Variants in GALNT16 observed in about 807,000 individuals in gnomAD.
GALNT16 encodes polypeptide N-acetylgalactosaminyltransferase 16.
Under a neutral mutation model 76.1 loss-of-function variants are expected in GALNT16, and 40 were observed. The observed-to-expected ratio is 0.53, with a 90% CI of 0.41 to 0.68. The LOEUF is 0.68. Ranked by LOEUF, GALNT16 falls within the 30% of genes least tolerant of loss-of-function variation. The probability of loss-of-function intolerance (pLI) is 0.00; values close to 1 mark genes in which losing one functional copy is unlikely to be tolerated. For synonymous variants in GALNT16, 276 were observed against 285.2 expected (o/e 0.97, Z 0.32); for missense variants, 621 against 731.9 (o/e 0.85, Z 1.75).
chr14:69,375,391 A>T, the GALNT16 span, among the ~76,000 whole-genome samples: 5 of 152,216 alleles, frequency 3.3e-5, no homozygotes, highest in Non-Finnish European at 5.9e-5. Context: ...ATTTACATTT[A>T]ATGAAATTAT....
At chr14:69,310,838 C>T (rs1175280191) in intron 1 of GALNT16, among the ~76,000 whole-genome samples, 3 of 152,040 alleles carry the variant, frequency 2.0e-5, no homozygotes, top group Non-Finnish European at 4.4e-5. Flanking sequence ...TCACTTGAGC[C>T]CAGGAGGTTG....
At position 69,333,190 on chromosome 14, in the gene GALNT16, T is replaced by G. The variant is rs1486482904; in HGVS notation, c.863+21T>G. ...ATAAGGTCAGAGCTGCGGTGGGCTC[T>G]GGGGGACCCCTTCCTTCCCTGGGTC... is the stretch of plus-strand genomic sequence containing the variant. On this transcript the variant is annotated intron_variant, in intron 8 of 14. Coordinates refer to ENST00000448469, the MANE Select transcript of GALNT16 (RefSeq NM_001168368.2). The surrounding 1 kb of genome is among the most constrained non-coding windows in gnomAD (Gnocchi z 4.2). 1 of 1,526,800 alleles carries G rather than the reference T, an allele frequency of 6.5e-7. No individual in the cohort carries two copies. Among genetic ancestry groups the G allele is most frequent in the Non-Finnish European group, 9.0e-7 (1 of 1,113,414 alleles). The allele number at this position is 1,526,800 out of a possible 1,614,324, so 94.6% of individuals were successfully genotyped here.
At chr14:69,306,298 C>T (rs966442237) in intron 1 of GALNT16, among the ~76,000 whole-genome samples, 1 of 152,100 alleles carries the variant, frequency 6.6e-6, no homozygotes, top group African/African-American at 2.4e-5. Flanking sequence ...GGTTTTTTTC[C>T]CACAATCTTT....
intron 1 of GALNT16, among the ~76,000 whole-genome samples, chr14:69,276,898 G>A (rs1465602670): frequency 6.6e-6 from 1 of 152,196 alleles, no homozygotes; most frequent in Non-Finnish European, 1.5e-5. Flanking sequence ...GTGCAGTGGA[G>A]GACTGAAGGC....
At chr14:69,383,781 G>T in the GALNT16 span, among the ~76,000 whole-genome samples, 476 of 152,264 alleles carry the variant, frequency 3.1e-3, 4 homozygotes, top group African/African-American at 0.011. Context: ...TTCCCCCTAT[G>T]TTGCTTTAAT....
At chr14:69,260,062 G>A (rs1594802011), upstream of GALNT16, 2 of 489,184 alleles carry the variant, frequency 4.1e-6, no homozygotes, top group East Asian at 7.5e-5. Context: ...ATGGGCGCCC[G>A]GGGGACGCGC....
At chr14:69,380,258 T>G in the GALNT16 span, 121 of 307,400 alleles carry the variant, frequency 3.9e-4, no homozygotes, top group African/African-American at 2.5e-3. Flanking sequence ...ATATGAACAG[T>G]TGAAGGACTG....
intron 1 of GALNT16, among the ~76,000 whole-genome samples, chr14:69,291,903 G>T (rs1443419709): frequency 1.3e-5 from 2 of 152,184 alleles, no homozygotes; most frequent in African/African-American, 2.4e-5. Context: ...ACTATGGTAG[G>T]TCATTACTAT....
intron 1 of GALNT16, among the ~76,000 whole-genome samples, chr14:69,291,564 C>A (rs2044687475): frequency 6.6e-6 from 1 of 152,188 alleles, no homozygotes; most frequent in Non-Finnish European, 1.5e-5. Context: ...ATGCGCCAAG[C>A]CCTGACCTTG....
the GALNT16 span, among the ~76,000 whole-genome samples, chr14:69,381,320 T>C: frequency 6.6e-6 from 1 of 152,350 alleles, no homozygotes; most frequent in East Asian, 1.9e-4. Flanking sequence ...ATGTTTATTC[T>C]GAATTAACTA....
At chr14:69,342,593 A>T (rs1333050829) in intron 12 of GALNT16, among the ~76,000 whole-genome samples, 1 of 152,100 alleles carries the variant, frequency 6.6e-6, no homozygotes, top group Non-Finnish European at 1.5e-5. Context: ...CTATACATAG[A>T]TCTAAACAAA....
chr14:69,330,092 A>G (rs1402297654), intron 6 of GALNT16, among the ~76,000 whole-genome samples: 1 of 152,228 alleles, frequency 6.6e-6, no homozygotes, highest in African/African-American at 2.4e-5. Context: ...TGCTAGGTGT[A>G]GACCCGAGAG....
intron 1 of GALNT16, among the ~76,000 whole-genome samples, chr14:69,295,062 T>C (rs776567792): frequency 2.0e-5 from 3 of 152,306 alleles, no homozygotes; most frequent in Non-Finnish European, 4.4e-5. Context: ...ATTTTAATAA[T>C]CTATTACGAA....
At chr14:69,345,424 T>C (rs1053925497) in intron 12 of GALNT16, among the ~76,000 whole-genome samples, 5 of 152,134 alleles carry the variant, frequency 3.3e-5, no homozygotes, top group African/African-American at 1.2e-4. Flanking sequence ...TAGCCACCCC[T>C]GAGGAAGGAA....
chr14:69,380,553 T>G, the GALNT16 span: 1 of 1,549,872 alleles, frequency 6.5e-7, no homozygotes, highest in Non-Finnish European at 8.9e-7. Flanking sequence ...TCCCAGCCTG[T>G]TGGGCCTGCC....
the GALNT16 span, among the ~76,000 whole-genome samples, chr14:69,372,315 G>A: frequency 2.0e-5 from 3 of 152,080 alleles, no homozygotes; most frequent in Non-Finnish European, 4.4e-5. Flanking sequence ...CGTGTTGGCT[G>A]CAAACACTGA....
chr14:69,339,550 T>G lies in GALNT16; in HGVS notation c.1118T>G (p.Val373Gly). 1 of 1,612,592 alleles carries G rather than the reference T, an allele frequency of 6.2e-7. No homozygotes were observed. Among genetic ancestry groups the G allele is most frequent in the Non-Finnish European group, 8.5e-7 (1 of 1,178,626 alleles). The change falls in exon 11 of 15, where the codon GTG (valine) becomes GGG (glycine). Residue 373 changes from valine (V) to glycine (G), a missense_variant. By Grantham distance (109) the Val-to-Gly change is moderately radical. Transcript: ENST00000448469. The part of the protein sequence containing the change: ...YIRNTKRTAE[V>G]WMDEYKQYYY... ...AGGAATACTAAGCGCACTGCAGAAG[T>G]GTGGATGGATGAATACAAGCAATAC...
At chr14:69,364,737 A>G in the GALNT16 span, among the ~76,000 whole-genome samples, 1 of 152,112 alleles carries the variant, frequency 6.6e-6, no homozygotes, top group Non-Finnish European at 1.5e-5. This position sits in a 1 kb window ranked among gnomAD's most constrained non-coding sequence, Gnocchi z 4.2. Context: ...TTTCTCTTCA[A>G]TATTCTTCTT....
chr14:69,377,832 AAAAGAAC>A, the GALNT16 span, among the ~76,000 whole-genome samples: 1 of 144,488 alleles, frequency 6.9e-6, no homozygotes, highest in Admixed American at 6.9e-5. Context: ...AAAAAAAAAA[AAAAGAAC>A]ATGAACATAA....
Sources: gnomAD v4.1 joint callset for allele counts (sites outside exome capture counted in the v4.1 genomes callset) on GRCh38, gnomAD v4.1.1 for gene constraint, Gnocchi (gnomAD v3.1) non-coding constraint, MANE v1.5 for transcripts, NCBI Gene and HGNC (gene_info 2026-07-23, HGNC 2026-07-21) for gene names.